Variants in PRDM6 observed in about 807,000 individuals in gnomAD.
PRDM6 encodes putative histone-lysine N-methyltransferase PRDM6.
Under a neutral mutation model 60.8 loss-of-function variants are expected in PRDM6, and 25 were observed. The observed-to-expected ratio is 0.41, with a 90% CI of 0.30 to 0.57. PRDM6 has a LOEUF of 0.57. Among genes scored for constraint, PRDM6 ranks in the 20% least tolerant of loss-of-function variants. The pLI is 0.27. For synonymous variants in PRDM6, 407 were observed against 357.4 expected, an observed-to-expected ratio of 1.14 and a Z score of -1.57; for missense variants, 839 against 821.3, an observed-to-expected ratio of 1.02 and a Z score of -0.26.
At chr5:123,100,321 G>C (rs934677193) in intron 3 of PRDM6, among the ~76,000 whole-genome samples, 2 of 152,234 alleles carry the variant, frequency 1.3e-5, no homozygotes, top group African/African-American at 4.8e-5. Flanking sequence ...AGATGGAGCA[G>C]CGGAGGGTGG....
chr5:123,176,019 A>G (rs1344752304), intron 6 of PRDM6, among the ~76,000 whole-genome samples: 2 of 152,166 alleles, frequency 1.3e-5, no homozygotes, highest in Non-Finnish European at 2.9e-5. Context: ...TCTGTTCTTC[A>G]GTTCTTTCTT....
chr5:123,112,999 T>C (rs1420298557), intron 3 of PRDM6, among the ~76,000 whole-genome samples: 1 of 152,196 alleles, frequency 6.6e-6, no homozygotes, highest in South Asian at 2.1e-4. Context: ...CCTGAAACAG[T>C]GTTGCCAGGT....
chr5:123,186,049 G>C (rs1270602116), intron 7 of PRDM6, among the ~76,000 whole-genome samples: 2 of 152,206 alleles, frequency 1.3e-5, no homozygotes, highest in African/African-American at 4.8e-5. Flanking sequence ...AGGGGTGGCT[G>C]AGGTGGCCTC....
Position 123,090,150 on chromosome 5 carries a change from G to A in PRDM6, c.136G>A (p.Ala46Thr), listed in dbSNP as rs1399103828. ...CAGCGGCGCCGCGGGTCTCCTGAGCGCGCCGCAGCCTCTTCAGCCGCCGCC... is the reference window on the plus strand; with the variant it reads ...CAGCGGCGCCGCGGGTCTCCTGAGCACGCCGCAGCCTCTTCAGCCGCCGCC... ...KGSGAAGLLS[A>T]PQPLQPPPPP... The change falls in exon 2 of 8, where the codon GCG becomes ACG. Residue 46 changes from alanine (A) to threonine (T), a missense_variant. This residue lies in a region of PRDM6 where 730 missense variants were observed against 648.8 expected (regional missense o/e 1.13). Coordinates refer to ENST00000407847, the MANE Select transcript of PRDM6 (RefSeq NM_001136239.4). 3.3e-6 allele frequency: 5 copies of A among 1,529,914 alleles called. No individual in the cohort carries two copies. Among genetic ancestry groups the A allele is most frequent in the Non-Finnish European group, 3.5e-6 (4 of 1,138,822 alleles). The allele number at this position is 1,529,914 out of a possible 1,614,324, so 94.8% of individuals were successfully genotyped here. A position where few individuals can be genotyped will look rare whatever the true frequency, so the allele number is the denominator to read the frequency against.
chr5:123,094,432 T>TCTC (rs1763912961), intron 2 of PRDM6, among the ~76,000 whole-genome samples: 13 of 148,054 alleles, frequency 8.8e-5, no homozygotes, highest in Admixed American at 7.4e-4. Flanking sequence ...GCTTTTGTGT[T>TCTC]TCTCTCTCTC....
At chr5:123,152,923 C>T (rs953546399) in intron 3 of PRDM6, among the ~76,000 whole-genome samples, 12 of 152,050 alleles carry the variant, frequency 7.9e-5, no homozygotes, top group Admixed American at 1.3e-4. Flanking sequence ...TGTGATGTCC[C>T]AATAAATAGA....
intron 4 of PRDM6, among the ~76,000 whole-genome samples, chr5:123,159,243 C>A (rs1765573771): frequency 1.3e-5 from 2 of 152,200 alleles, no homozygotes; most frequent in Admixed American, 6.5e-5. Context: ...AAAATTAATT[C>A]TTCCTTTCTG....
Position 123,090,413 on chromosome 5 carries a change from C to T in PRDM6, c.399C>T (p.Pro133=). Reference sequence around the variant, plus strand: ...CTGCCGTCGCCGCCGAGCCGCTGCCCCCCAAGGAACTGTGCCTCGGCGCCA... The same window carrying T: ...CTGCCGTCGCCGCCGAGCCGCTGCCTCCCAAGGAACTGTGCCTCGGCGCCA... ...AAAAVAAEPL[P]PKELCLGATS... is the part of the protein sequence containing the mutation. The change falls in exon 2 of 8, where the codon CCC becomes CCT. Residue 133 remains proline, a synonymous_variant. Transcript: ENST00000407847. The T allele has an allele frequency of 1.4e-6, 2 of 1,458,054 alleles. No individual in the cohort carries two copies. Among genetic ancestry groups the T allele is most frequent in the Non-Finnish European group, 9.0e-7 (1 of 1,113,102 alleles). 90.3% of individuals were successfully genotyped at this position (1,458,054 alleles called of 1,614,324 possible).
intron 3 of PRDM6, among the ~76,000 whole-genome samples, chr5:123,132,276 T>G (rs1764850738): frequency 6.6e-6 from 1 of 152,178 alleles, no homozygotes; most frequent in Non-Finnish European, 1.5e-5. Context: ...TGTATAAATG[T>G]AGAGAAACAT....
chr5:123,146,393 C>A (rs1206962059), intron 3 of PRDM6, among the ~76,000 whole-genome samples: 1 of 152,158 alleles, frequency 6.6e-6, no homozygotes, highest in African/African-American at 2.4e-5. Context: ...TTCTCTAGTG[C>A]AGAACTATTT....
chr5:123,130,447 A>G (rs1399223548), intron 3 of PRDM6, among the ~76,000 whole-genome samples: 2 of 150,846 alleles, frequency 1.3e-5, no homozygotes, highest in Admixed American at 6.6e-5. Flanking sequence ...GAAATTTTCA[A>G]GCATGAGGAA....
chr5:123,178,363 A>G (rs1766064671), intron 6 of PRDM6, among the ~76,000 whole-genome samples: 1 of 152,210 alleles, frequency 6.6e-6, no homozygotes, highest in Admixed American at 6.5e-5. Context: ...TATTTTGTTT[A>G]TAATCTTCAA....
At chr5:123,123,677 A>G (rs1464017596) in intron 3 of PRDM6, among the ~76,000 whole-genome samples, 3 of 151,548 alleles carry the variant, frequency 2.0e-5, no homozygotes, top group Non-Finnish European at 4.4e-5. Flanking sequence ...TGATGCTTTA[A>G]ATAGGCATGA....
At chr5:123,091,352 C>A (rs1763837526) in intron 2 of PRDM6, among the ~76,000 whole-genome samples, 1 of 152,222 alleles carries the variant, frequency 6.6e-6, no homozygotes, top group African/African-American at 2.4e-5. Flanking sequence ...ACATTCATAA[C>A]CCATGTTGGT....
At chr5:123,181,893 G>C (rs891061878) in intron 7 of PRDM6, among the ~76,000 whole-genome samples, 4 of 152,154 alleles carry the variant, frequency 2.6e-5, no homozygotes, top group African/African-American at 7.2e-5. Flanking sequence ...ATAAAAGATA[G>C]TCATTGTCCC....
At chr5:123,103,872 A>C (rs1764152823) in intron 3 of PRDM6, among the ~76,000 whole-genome samples, 1 of 152,118 alleles carries the variant, frequency 6.6e-6, no homozygotes, top group African/African-American at 2.4e-5. Flanking sequence ...AATAAATTGC[A>C]CTTATTTTCA....
chr5:123,114,821 T>G (rs1349185137), intron 3 of PRDM6, among the ~76,000 whole-genome samples: 1 of 152,200 alleles, frequency 6.6e-6, no homozygotes, highest in Non-Finnish European at 1.5e-5. Context: ...AGACTTCATT[T>G]TATTCCAAGT....
rs538350465 is a variant in PRDM6, at chr5:123,160,547, G to A, written c.1153+909G>A. ...AGAAACTTCATTTTGAAAAAAGTGG[G>A]TTTTTAAAATTTTCTTCTCCACTTT... On this transcript the variant is annotated intron_variant, in intron 5 of 7. Coordinates refer to ENST00000407847, the MANE Select transcript of PRDM6 (RefSeq NM_001136239.4). 1.2e-4 allele frequency among the ~76,000 whole-genome samples: 18 copies of A among 151,994 alleles called. No individual in the cohort carries two copies. In the South Asian group the frequency reaches 2.5e-3, roughly 21 times the overall value.
At chr5:123,154,665 C>T (rs1765452487) in intron 3 of PRDM6, among the ~76,000 whole-genome samples, 1 of 152,118 alleles carries the variant, frequency 6.6e-6, no homozygotes, top group Admixed American at 6.6e-5. Flanking sequence ...ATTTTGGAGC[C>T]TAAATGTAAC....
Sources: allele counts gnomAD v4.1 joint callset (sites outside exome capture counted in the v4.1 genomes callset), GRCh38; gene constraint gnomAD v4.1.1; regional missense constraint gnomAD v4.1.1; transcripts MANE v1.5; gene names NCBI Gene and HGNC (gene_info 2026-07-23, HGNC 2026-07-21).